TOX3: variants seen among roughly 807,000 people sequenced by gnomAD.
The protein encoded by TOX3 is TOX high mobility group box family member 3, also known as CAG trinucleotide repeat-containing gene F9 protein.
TOX3 carries 22 observed loss-of-function variants against 64.3 expected under a neutral mutation model. The ratio of observed to expected loss-of-function variants is 0.34; its 90% CI spans 0.24 to 0.49. TOX3 has a LOEUF of 0.49. TOX3 is among the 20% of genes least tolerant of loss of function. TOX3 has a pLI of 0.99. For missense variants in TOX3, 661 were observed against 714.4 expected (o/e 0.93, Z 0.85); for synonymous variants, 291 against 273.6 (o/e 1.06, Z -0.63).
At chr16:52,541,514 C>T (rs1263371663) in intron 1 of TOX3, among the ~76,000 whole-genome samples, 1 of 152,068 alleles carries the variant, frequency 6.6e-6, no homozygotes, top group African/African-American at 2.4e-5. Context: ...TCAGTGTTGC[C>T]AGATGTCTAA....
At chr16:52,493,313 T>C (rs867923541) in intron 1 of TOX3, among the ~76,000 whole-genome samples, 30 of 152,268 alleles carry the variant, frequency 2.0e-4, no homozygotes, top group African/African-American at 7.2e-4. Flanking sequence ...TATAACCACA[T>C]ACATATCAGC....
chr16:52,510,999 C>A (rs534528816), intron 1 of TOX3, among the ~76,000 whole-genome samples: 1 of 152,160 alleles, frequency 6.6e-6, no homozygotes, highest in African/African-American at 2.4e-5. Flanking sequence ...AATCAAGATC[C>A]ACTGGAACTT....
chr16:52,527,569 A>T (rs1372499825), intron 1 of TOX3, among the ~76,000 whole-genome samples: 1 of 152,206 alleles, frequency 6.6e-6, no homozygotes, highest in African/African-American at 2.4e-5. Flanking sequence ...AAAGAGGGAG[A>T]TGGAAAAAGA....
chr16:52,466,836 T>A (rs143002109), intron 2 of TOX3, among the ~76,000 whole-genome samples: 34 of 152,242 alleles, frequency 2.2e-4, no homozygotes, highest in African/African-American at 7.2e-4. Flanking sequence ...TATATTAAAA[T>A]TAAGCTTTCC....
Position 52,439,401 on chromosome 16 carries a change from G to A in TOX3, c.1555C>T (p.Leu519=). Residue 519 remains leucine, a synonymous_variant, in exon 7 of 7, where the codon CTG becomes TTG. Coordinates refer to ENST00000219746, the MANE Select transcript of TOX3 (RefSeq NM_001080430.4). Reference sequence around the variant, plus strand: ...TGAGACTGGTGCTGCATGTGTTGCAGCTGCTGCAGCTGGAGGCGCTGCTGC... The same window carrying A: ...TGAGACTGGTGCTGCATGTGTTGCAACTGCTGCAGCTGGAGGCGCTGCTGC... ...QLQQRLQLQQ[L]QHMQHQSQPS... The A allele has an allele frequency of 6.3e-7, 1 of 1,585,632 alleles. No individual in the cohort carries two copies. Among genetic ancestry groups the A allele is most frequent in the South Asian group, 1.1e-5 (1 of 88,528 alleles).
intron 3 of TOX3, among the ~76,000 whole-genome samples, chr16:52,460,060 T>A (rs777749047): frequency 1.3e-5 from 2 of 152,160 alleles, no homozygotes; most frequent in Non-Finnish European, 1.5e-5. Flanking sequence ...TCTGCATAAA[T>A]GTCTCCTATA....
At chr16:52,493,973 A>G (rs201043141) in intron 1 of TOX3, among the ~76,000 whole-genome samples, 1 of 152,218 alleles carries the variant, frequency 6.6e-6, no homozygotes, top group Non-Finnish European at 1.5e-5. Context: ...CTTGAATTTC[A>G]TATCTTAGGA....
rs74017816 is a variant in TOX3, at chr16:52,463,533, C to T, written c.408+401G>A. ...TTTGCAATAAGAATAAATCGTGTAT[C>T]GTAAGCATTATAATACTAAAAACTC... On this transcript the variant is annotated intron_variant, in intron 3 of 6. Coordinates refer to ENST00000219746, the MANE Select transcript of TOX3 (RefSeq NM_001080430.4). Among the ~76,000 whole-genome samples the T allele has an allele frequency of 8.3e-3, 1,269 of 152,192 alleles. 16 individuals carry two copies. The highest frequency in any genetic ancestry group is 0.028 in the African/African-American group (1,166 of 41,536).
chr16:52,495,421 T>A (rs1452317163), intron 1 of TOX3, among the ~76,000 whole-genome samples: 1 of 152,320 alleles, frequency 6.6e-6, no homozygotes, highest in East Asian at 1.9e-4. Flanking sequence ...GGACCAACTT[T>A]TTCAAATCTC....
chr16:52,503,163 C>A (rs984058506), intron 1 of TOX3, among the ~76,000 whole-genome samples: 6 of 152,154 alleles, frequency 3.9e-5, no homozygotes, highest in South Asian at 2.1e-4. Context: ...GTCTTTCCAT[C>A]ATGAAAATTA....
intron 4 of TOX3, among the ~76,000 whole-genome samples, chr16:52,447,043 C>A (rs1050268468): frequency 3.3e-5 from 5 of 152,180 alleles, no homozygotes; most frequent in Non-Finnish European, 7.4e-5. Flanking sequence ...ACCATATGAA[C>A]TCTGAGAGAT....
chr16:52,542,694 C>T (rs1963101572), intron 1 of TOX3, among the ~76,000 whole-genome samples: 1 of 152,108 alleles, frequency 6.6e-6, no homozygotes, highest in Admixed American at 6.5e-5. Flanking sequence ...CTTAGGAAAA[C>T]CTTATTTCTT....
In TOX3 at chr16:52,439,193, G is replaced by C. The variant is rs964122516; in HGVS notation, c.*32C>G. ...TTTTCCCTCCTATGCCACTCTCCTT[G>C]GTATACGCAAATCCGTCTGCCATAT... is the stretch of plus-strand genomic sequence containing the variant. On this transcript the variant is annotated 3_prime_UTR_variant, in exon 7 of 7. Coordinates refer to ENST00000219746, the MANE Select transcript of TOX3 (RefSeq NM_001080430.4). 1 of 1,613,234 alleles carries C rather than the reference G, an allele frequency of 6.2e-7. No homozygotes were observed. The highest frequency in any genetic ancestry group is 1.3e-5 in the African/African-American group (1 of 74,860).
intron 3 of TOX3, among the ~76,000 whole-genome samples, chr16:52,453,987 T>C (rs1960439710): frequency 6.6e-6 from 1 of 152,204 alleles, no homozygotes; most frequent in Non-Finnish European, 1.5e-5. Context: ...TAGATTGCTT[T>C]CTGCATTAGA....
rs2077653 is a variant in TOX3, at chr16:52,498,590, G to C, written c.88-30016C>G. 1.3e-4 allele frequency among the ~76,000 whole-genome samples: 19 copies of C among 151,530 alleles called. 1 individual carries two copies. Among genetic ancestry groups the C allele is most frequent in the African/African-American group, 2.7e-4 (11 of 41,376 alleles). ...TCAAATCTGAACCTTTGTGGGGTTG[G>C]GGGGGGGAGGCTGTATTTTCTAACA... On this transcript the variant is annotated intron_variant, in intron 1 of 6. Transcript: ENST00000219746.
chr16:52,458,390 T>C (rs538923701), intron 3 of TOX3, among the ~76,000 whole-genome samples: 2 of 152,186 alleles, frequency 1.3e-5, no homozygotes, highest in African/African-American at 2.4e-5. Context: ...ACAGGGGTAA[T>C]GGCATACAGA....
intron 1 of TOX3, among the ~76,000 whole-genome samples, chr16:52,540,362 G>A (rs936841858): frequency 2.0e-5 from 3 of 151,342 alleles, no homozygotes; most frequent in Non-Finnish European, 4.4e-5. Flanking sequence ...CATGGTCACT[G>A]CACTCAAGCC....
chr16:52,448,036 T>G (rs1221562191), intron 4 of TOX3, among the ~76,000 whole-genome samples: 1 of 152,180 alleles, frequency 6.6e-6, no homozygotes, highest in Non-Finnish European at 1.5e-5. Flanking sequence ...ACGCCTTTCT[T>G]GGATAACCAT....
chr16:52,488,851 T>C (rs1481992996), intron 1 of TOX3, among the ~76,000 whole-genome samples: 1 of 152,136 alleles, frequency 6.6e-6, no homozygotes, highest in Non-Finnish European at 1.5e-5. Context: ...CCAATAGGCA[T>C]GAGCTTTTTT....
Sources: allele counts gnomAD v4.1 joint callset (sites outside exome capture counted in the v4.1 genomes callset), GRCh38; gene constraint gnomAD v4.1.1; transcripts MANE v1.5; gene names NCBI Gene and HGNC (gene_info 2026-07-23, HGNC 2026-07-21).